GOLIM4: variants seen among roughly 807,000 people sequenced by gnomAD.
GOLIM4 encodes golgi integral membrane protein 4, also known as 130 kDa golgi-localized phosphoprotein.
Under a neutral mutation model 107.4 loss-of-function variants are expected in GOLIM4, and 71 were observed. The ratio of observed to expected loss-of-function variants is 0.66; its 90% confidence interval spans 0.55 to 0.81. The LOEUF is 0.81. Ranked by LOEUF, GOLIM4 falls within the 30% of genes least tolerant of loss-of-function variation. The pLI is 0.00. For missense variants in GOLIM4, 830 were observed against 826.1 expected, an observed-to-expected ratio of 1.00 and a Z score of -0.06; for synonymous variants, 327 against 294.8, an observed-to-expected ratio of 1.11 and a Z score of -1.12.
chr3:168,072,599 T>C (rs1720888068), intron 1 of GOLIM4, among the ~76,000 whole-genome samples: 1 of 151,812 alleles, frequency 6.6e-6, no homozygotes, highest in Non-Finnish European at 1.5e-5. Context: ...GGGCCATAAA[T>C]AGCTAGACTA....
At chr3:168,034,300 C>G (rs1254327857) in intron 8 of GOLIM4, among the ~76,000 whole-genome samples, 2 of 152,188 alleles carry the variant, frequency 1.3e-5, no homozygotes, top group East Asian at 3.8e-4. Context: ...GCAGATAACT[C>G]CTATCTCCAC....
At chr3:168,016,026 A>C (rs1252321626) in intron 14 of GOLIM4, among the ~76,000 whole-genome samples, 6 of 133,534 alleles carry the variant, frequency 4.5e-5, no homozygotes, top group Admixed American at 1.4e-4. Context: ...GCAACAAAAG[A>C]CAAAATTGAC....
At chr3:168,065,004 T>G (rs905764618) in intron 1 of GOLIM4, among the ~76,000 whole-genome samples, 4 of 149,710 alleles carry the variant, frequency 2.7e-5, no homozygotes, top group Admixed American at 6.7e-5. Flanking sequence ...AAACAGATGG[T>G]GCCAAGAGAT....
intron 5 of GOLIM4, 45 bp from the exon 6 acceptor site, chr3:168,041,519 C>T: frequency 1.1e-6 from 1 of 919,400 alleles, no homozygotes; most frequent in South Asian, 1.4e-5. Context: ...TTGAAACTTT[C>T]AGGATTCTGT....
intron 1 of GOLIM4, among the ~76,000 whole-genome samples, chr3:168,086,532 C>CA (rs1721637759): frequency 6.6e-6 from 1 of 152,102 alleles, no homozygotes; most frequent in South Asian, 2.1e-4. Context: ...CATGCACTCC[C>CA]AAAGAAAAGC....
intron 1 of GOLIM4, among the ~76,000 whole-genome samples, chr3:168,061,262 CA>C (rs1461129468): frequency 1.3e-5 from 2 of 152,188 alleles, no homozygotes; most frequent in African/African-American, 4.8e-5. Flanking sequence ...AAATTATAAT[CA>C]TAGTGCAGTA....
chr3:168,056,735 C>T (rs1180144769), intron 1 of GOLIM4, among the ~76,000 whole-genome samples: 1 of 152,184 alleles, frequency 6.6e-6, no homozygotes, highest in Non-Finnish European at 1.5e-5. Context: ...GTGTTTTGGC[C>T]AATTTCTCCT....
In GOLIM4 at chr3:168,044,310, T is replaced by C. The variant is rs147272106; in HGVS notation, c.366+518A>G. On this transcript the variant is annotated intron_variant, in intron 4 of 15. Transcript: ENST00000470487. ...GCATAACTGCATGCTGCCCGTCTCT[T>C]CCAGCTTGACAGAAACAATGATCCT... Among the ~76,000 whole-genome samples the C allele has an allele frequency of 7.5e-3, 1,142 of 152,336 alleles. 16 individuals carry two copies. Among genetic ancestry groups the C allele is most frequent in the African/African-American group, 0.026 (1,081 of 41,566 alleles).
At chr3:168,051,271 G>A (rs1719629941) in intron 1 of GOLIM4, among the ~76,000 whole-genome samples, 1 of 149,706 alleles carries the variant, frequency 6.7e-6, no homozygotes, top group Non-Finnish European at 1.5e-5. Flanking sequence ...TCTTCCCTTG[G>A]ATTCAGTCAG....
intron 11 of GOLIM4, among the ~76,000 whole-genome samples, chr3:168,028,715 C>T (rs150670214): frequency 8.7e-4 from 132 of 152,310 alleles, no homozygotes; most frequent in African/African-American, 3.1e-3. Context: ...TATGTAATCA[C>T]TTTCTTTCTG....
intron 1 of GOLIM4, among the ~76,000 whole-genome samples, chr3:168,071,193 T>C (rs973658588): frequency 6.6e-6 from 1 of 152,220 alleles, no homozygotes; most frequent in African/African-American, 2.4e-5. Context: ...AGGGGAGTCA[T>C]GCTAAAGTAG....
At chr3:168,055,147 A>G (rs1232070933) in intron 1 of GOLIM4, among the ~76,000 whole-genome samples, 1 of 152,150 alleles carries the variant, frequency 6.6e-6, no homozygotes, top group Non-Finnish European at 1.5e-5. Flanking sequence ...GGTGCTGCTG[A>G]AAAGATACCC....
At chr3:168,070,873 A>G (rs977538502) in intron 1 of GOLIM4, among the ~76,000 whole-genome samples, 3 of 152,320 alleles carry the variant, frequency 2.0e-5, no homozygotes, top group Admixed American at 1.3e-4. Flanking sequence ...CTCAACTTCT[A>G]TACCTTTAAT....
chr3:168,048,680 C>T (rs1470243541), intron 1 of GOLIM4, among the ~76,000 whole-genome samples: 2 of 152,158 alleles, frequency 1.3e-5, no homozygotes, highest in Non-Finnish European at 2.9e-5. Context: ...CTCCTGTCTT[C>T]CTGGGCAACC....
chr3:168,034,828 A>G (rs995294559), intron 8 of GOLIM4, among the ~76,000 whole-genome samples: 1 of 152,200 alleles, frequency 6.6e-6, no homozygotes, highest in Non-Finnish European at 1.5e-5. Flanking sequence ...GTTACCCTGC[A>G]CAAGCTCTCT....
intron 1 of GOLIM4, among the ~76,000 whole-genome samples, chr3:168,062,736 C>G (rs907682867): frequency 6.6e-6 from 1 of 152,132 alleles, no homozygotes; most frequent in African/African-American, 2.4e-5. Context: ...TATTCAGGCA[C>G]ACGTGGTAAT....
chr3:168,020,733 ACT>A (rs1448621217), intron 14 of GOLIM4, among the ~76,000 whole-genome samples: 2 of 152,166 alleles, frequency 1.3e-5, no homozygotes, highest in African/African-American at 4.8e-5. Flanking sequence ...TAGAGAACAA[ACT>A]CTTAGTTAAA....
At chr3:168,069,179 A>G (rs1720714140) in intron 1 of GOLIM4, among the ~76,000 whole-genome samples, 1 of 152,122 alleles carries the variant, frequency 6.6e-6, no homozygotes, top group Non-Finnish European at 1.5e-5. Flanking sequence ...AGTTTATATC[A>G]TATCAATTAA....
chr3:168,089,280 T>C (rs1025940827), intron 1 of GOLIM4, among the ~76,000 whole-genome samples: 2 of 152,226 alleles, frequency 1.3e-5, no homozygotes, highest in East Asian at 1.9e-4. Context: ...GTCCATTTAA[T>C]AGACAATGTC....
Sources: gnomAD v4.1 joint callset for allele counts (sites outside exome capture counted in the v4.1 genomes callset) on GRCh38, gnomAD v4.1.1 for gene constraint, MANE v1.5 for transcripts, NCBI Gene and HGNC (gene_info 2026-07-23, HGNC 2026-07-21) for gene names.